Variants in NUP214 observed in about 807,000 individuals in gnomAD.
NUP214 encodes nucleoporin 214, also known as nuclear pore complex protein Nup214.
A neutral mutation model predicts 196.2 loss-of-function variants in NUP214; 79 were observed. The ratio of observed to expected loss-of-function variants is 0.40; its 90% CI spans 0.34 to 0.49. The LOEUF (loss-of-function observed/expected upper bound fraction) is 0.49. Among genes scored for constraint, NUP214 ranks in the 20% least tolerant of loss-of-function variants. NUP214 has a pLI of 0.58. For missense variants in NUP214, 2,468 were observed against 2,539.0 expected (o/e 0.97, Z 0.60); for synonymous variants, 1,020 against 990.5 (o/e 1.03, Z -0.56).
intron 6 of NUP214, 187 bp downstream of exon 6, chr9:131,132,846 G>T (rs753146527): frequency 1.5e-4 from 95 of 626,654 alleles, no homozygotes; most frequent in Admixed American, 7.9e-4. Flanking sequence ...TGTGTTTCAC[G>T]ATAAATGACA....
intron 24 of NUP214, among the ~76,000 whole-genome samples, chr9:131,183,274 G>A (rs776230582): frequency 1.3e-5 from 2 of 152,126 alleles, no homozygotes; most frequent in African/African-American, 2.4e-5. Context: ...TGGTAGAGAC[G>A]GGGTTTCGCC....
chr9:131,192,941 CAAAAAAAAAAAAAAA>C (rs34653431), intron 27 of NUP214, among the ~76,000 whole-genome samples: 2 of 31,036 alleles, frequency 6.4e-5, no homozygotes, highest in Admixed American at 5.4e-4. Flanking sequence ...ACCCCGTCTC[CAAAAAAAAAAAAAAA>C]AAAAAAAAAA....
At chr9:131,140,849 C>CT (rs1472536728) in intron 11 of NUP214, 139 bp downstream of exon 11, 65 of 767,548 alleles carry the variant, frequency 8.5e-5, no homozygotes, top group South Asian at 1.5e-4. Flanking sequence ...ACACACTAAT[C>CT]TTTTTTTTAA....
chr9:131,213,103 C>T (rs946203323), intron 30 of NUP214, among the ~76,000 whole-genome samples: 1 of 151,936 alleles, frequency 6.6e-6, no homozygotes, highest in Non-Finnish European at 1.5e-5. Flanking sequence ...CAATAACTAT[C>T]AATTCATGTT....
In NUP214 at chr9:131,233,675, TC is replaced by T. The variant is rs759385704; in HGVS notation, c.*191del. ...TTTATATTTCATGTTGGGTTTTCCC[TC>T]CCACTATTAAACAGTCTGTTTCCGT... is the stretch of plus-strand genomic sequence containing the variant. On this transcript the variant is annotated 3_prime_UTR_variant, in exon 36 of 36. Transcript: ENST00000359428. 10 of 688,404 alleles carry T rather than the reference TC, an allele frequency of 1.5e-5. No homozygotes were observed. In the South Asian group the frequency reaches 1.5e-4, roughly 10 times the overall value. The allele number at this position is 688,404 out of a possible 1,614,324, so 42.6% of individuals were successfully genotyped here.
chr9:131,226,936 A>G (rs755610390), intron 32 of NUP214, among the ~76,000 whole-genome samples: 3 of 152,222 alleles, frequency 2.0e-5, no homozygotes, highest in Non-Finnish European at 4.4e-5. Flanking sequence ...TCCCTCTAAC[A>G]ACAGATTGAC....
In NUP214 at chr9:131,233,526, G is replaced by A. The variant is rs1348149957; in HGVS notation, c.*39G>A. Reference sequence around the variant, plus strand: ...GGCCTTTCGATCCCTGGGACCAACCGCATCCTCAGCTTCTTCCCCGAGAAA... The same window carrying A: ...GGCCTTTCGATCCCTGGGACCAACCACATCCTCAGCTTCTTCCCCGAGAAA... On this transcript the variant is annotated 3_prime_UTR_variant, in exon 36 of 36. Coordinates refer to ENST00000359428, the MANE Select transcript of NUP214 (RefSeq NM_005085.4). 9.9e-6 allele frequency: 16 copies of A among 1,611,386 alleles called. No homozygotes were observed. The highest frequency in any genetic ancestry group is 2.2e-5 in the East Asian group (1 of 44,834).
At chr9:131,226,535 T>C (rs549106996) in intron 32 of NUP214, among the ~76,000 whole-genome samples, 1 of 152,160 alleles carries the variant, frequency 6.6e-6, no homozygotes, top group South Asian at 2.1e-4. Context: ...TGATACAAGG[T>C]ACTAGATAGC....
Position 131,125,773 on chromosome 9 carries a change from C to G in NUP214, c.45+24C>G. 1.3e-6 allele frequency: 2 copies of G among 1,550,628 alleles called. No homozygotes were observed. Among genetic ancestry groups the G allele is most frequent in the African/African-American group, 1.4e-5 (1 of 73,068 alleles). ...AGGTCAGAGACTAACCGGGGCCTCC[C>G]TCCCTTCTTTAGTCCTGGCGTTGCC... On this transcript the variant is annotated intron_variant, in intron 1 of 35. Transcript: ENST00000359428. The surrounding 1 kb of genome is among the most constrained non-coding windows in gnomAD (Gnocchi z 4.1).
intron 24 of NUP214, among the ~76,000 whole-genome samples, chr9:131,182,543 C>A (rs1477871957): frequency 6.6e-6 from 1 of 152,180 alleles, no homozygotes; most frequent in Non-Finnish European, 1.5e-5. Flanking sequence ...TGAAACCATC[C>A]CCCTCCGCTG....
In NUP214 at chr9:131,125,622, A is replaced by G; in HGVS notation, c.-83A>G. On this transcript the variant is annotated 5_prime_UTR_variant, in exon 1 of 36. Coordinates refer to ENST00000359428, the MANE Select transcript of NUP214 (RefSeq NM_005085.4). The surrounding 1 kb of genome is among the most constrained non-coding windows in gnomAD (Gnocchi z 4.1). ...CGCGCCGCTGGCGCTGAGGGGAGGA[A>G]GTTTGCTGTCGAGCGGCCTGGGTTC... 6.5e-6 allele frequency: 10 copies of G among 1,535,960 alleles called. No homozygotes were observed. Among genetic ancestry groups the G allele is most frequent in the South Asian group, 2.4e-5 (2 of 83,022 alleles).
In NUP214 at chr9:131,201,686, C is replaced by T. The variant is rs1564208108; in HGVS notation, c.5561C>T (p.Ala1854Val). The change falls in exon 30 of 36, where the codon GCA becomes GTA. Residue 1854 changes from alanine (A) to valine (V), a missense_variant. Physicochemically the swap from Ala to Val is moderately conservative, Grantham distance 64 (BLOSUM62 0). Transcript: ENST00000359428. ...AATACTGGTTCTGTGTTTGGTCAAGCAGCCAGTACTGGTGGAATAGTCTTT... is the reference window on the plus strand; with the variant it reads ...AATACTGGTTCTGTGTTTGGTCAAGTAGCCAGTACTGGTGGAATAGTCTTT... ...SSNTGSVFGQ[A>V]ASTGGIVFGQ... The T allele has an allele frequency of 6.2e-7, 1 of 1,613,942 alleles. No individual in the cohort carries two copies. Among genetic ancestry groups the T allele is most frequent in the Non-Finnish European group, 8.5e-7 (1 of 1,179,938 alleles).
chr9:131,153,254 T>G (rs1156864305), intron 17 of NUP214: 1 of 152,104 alleles, frequency 6.6e-6, no homozygotes, highest in African/African-American at 2.4e-5. Context: ...CTGTGGGGTT[T>G]GCAGGTGTGA....
intron 33 of NUP214, chr9:131,229,634 C>A: frequency 2.1e-6 from 1 of 478,100 alleles, no homozygotes; most frequent in Non-Finnish European, 4.1e-6. Flanking sequence ...GTTATTAAAT[C>A]TCCATAAGAG....
At chr9:131,212,475 T>G (rs1834273208) in intron 30 of NUP214, among the ~76,000 whole-genome samples, 1 of 152,220 alleles carries the variant, frequency 6.6e-6, no homozygotes, top group Non-Finnish European at 1.5e-5. Flanking sequence ...ACATGTGATG[T>G]CTCCCCTGGA....
At chr9:131,170,094 A>G (rs1832911911) in intron 21 of NUP214, among the ~76,000 whole-genome samples, 1 of 152,202 alleles carries the variant, frequency 6.6e-6, no homozygotes, top group African/African-American at 2.4e-5. Context: ...TCACGGTTAT[A>G]CAACATTAGG....
chr9:131,181,248 G>T (rs559585586), intron 24 of NUP214, among the ~76,000 whole-genome samples: 1 of 152,144 alleles, frequency 6.6e-6, no homozygotes. Flanking sequence ...AGCGAGTCAG[G>T]GGGGACCTCT....
intron 21 of NUP214, among the ~76,000 whole-genome samples, chr9:131,171,105 C>A (rs1355665342): frequency 6.6e-6 from 1 of 152,030 alleles, no homozygotes; most frequent in African/African-American, 2.4e-5. Context: ...TTAGCTGCAT[C>A]CTTGATCACA....
chr9:131,190,806 G>A (rs1056901539), intron 26 of NUP214: 6 of 198,026 alleles, frequency 3.0e-5, no homozygotes, highest in Non-Finnish European at 5.1e-5. Flanking sequence ...CCTATATACT[G>A]TATATCCTAT....
Sources: allele counts gnomAD v4.1 joint callset (sites outside exome capture counted in the v4.1 genomes callset), GRCh38; gene constraint gnomAD v4.1.1; non-coding constraint Gnocchi (gnomAD v3.1); transcripts MANE v1.5; gene names NCBI Gene and HGNC (gene_info 2026-07-23, HGNC 2026-07-21).